The following MICU2 variants were observed in gnomAD, a reference collection of about 807,000 sequenced individuals.
The protein encoded by MICU2 is calcium uptake protein 2, mitochondrial.
MICU2 carries 64 observed loss-of-function variants against 60.4 expected under a neutral mutation model. That is an observed-to-expected ratio of 1.06 (90% CI 0.87 to 1.31). MICU2 has a LOEUF of 1.31. MICU2 is among the 50% of genes most tolerant of loss of function. The pLI, the probability that MICU2 is intolerant of heterozygous loss-of-function variation, is 0.00. For missense variants in MICU2, 569 were observed against 531.0 expected (o/e 1.07, Z -0.70); for synonymous variants, 201 against 175.0 (o/e 1.15, Z -1.17).
At chr13:21,496,905 C>CA (rs1215718463) in intron 9 of MICU2, among the ~76,000 whole-genome samples, 2 of 151,696 alleles carry the variant, frequency 1.3e-5, no homozygotes, top group Non-Finnish European at 2.9e-5. Flanking sequence ...AACACAAAAA[C>CA]AAAAAAATTA....
At chr13:21,531,176 G>A (rs1566149683) in intron 4 of MICU2, 1 of 940,582 alleles carries the variant, frequency 1.1e-6, no homozygotes, top group South Asian at 1.3e-5. Context: ...GTGACAAAAA[G>A]GAAGACATTC....
Position 21,510,082 on chromosome 13 carries a change from G to A in MICU2, c.683C>T (p.Pro228Leu). ...CATCTGAAGAGTTGTGTTAATTTCA[G>A]GTTCTTTCACTATTGCTTCCTATTA... Reference protein sequence around the residue: ...TGYQEAIVKEPEINTTLQMRF... With the variant: ...TGYQEAIVKELEINTTLQMRF... The change falls in exon 8 of 12, where the codon CCT (proline) becomes CTT (leucine). Residue 228 changes from proline to leucine, a missense_variant. Transcript: ENST00000382374. 1 of 1,500,454 alleles carries A rather than the reference G, an allele frequency of 6.7e-7. No homozygotes were observed. Among genetic ancestry groups the A allele is most frequent in the Non-Finnish European group, 8.9e-7 (1 of 1,128,366 alleles). The allele number at this position is 1,500,454 out of a possible 1,614,324, so 92.9% of individuals were successfully genotyped here. A position where few individuals can be genotyped will look rare whatever the true frequency, so the allele number is the denominator to read the frequency against.
intron 10 of MICU2, chr13:21,495,812 G>GGCTCC (rs1379551342): frequency 1.1e-5 from 4 of 356,594 alleles, no homozygotes; most frequent in African/African-American, 8.6e-5. Context: ...GGGATTACAG[G>GGCTCC]CATGAGCCAC....
At chr13:21,576,928 T>G (rs1242705530) in intron 1 of MICU2, among the ~76,000 whole-genome samples, 2 of 152,178 alleles carry the variant, frequency 1.3e-5, no homozygotes, top group Non-Finnish European at 2.9e-5. Context: ...AGAAATTTTA[T>G]CCAAAACAAA....
At chr13:21,555,047 A>G (rs1210121145) in intron 2 of MICU2, among the ~76,000 whole-genome samples, 3 of 152,166 alleles carry the variant, frequency 2.0e-5, no homozygotes, top group Non-Finnish European at 4.4e-5. Flanking sequence ...CAACCAAAAA[A>G]AGTCCAGGAC....
chr13:21,533,032 G>A (rs1379415828), intron 4 of MICU2, among the ~76,000 whole-genome samples: 2 of 152,112 alleles, frequency 1.3e-5, no homozygotes, highest in Non-Finnish European at 2.9e-5. Context: ...AAAGAAAAGA[G>A]GCCTAGAGCA....
At chr13:21,525,187 T>G (rs889030591) in intron 4 of MICU2, among the ~76,000 whole-genome samples, 74 of 105,646 alleles carry the variant, frequency 7.0e-4, no homozygotes, top group African/African-American at 2.4e-3. Context: ...TTCAATTTTT[T>G]TTTTTTTTTT....
At chr13:21,583,768 T>C (rs1470242796) in intron 1 of MICU2, among the ~76,000 whole-genome samples, 1 of 152,190 alleles carries the variant, frequency 6.6e-6, no homozygotes, top group African/African-American at 2.4e-5. Flanking sequence ...TGGGCCTGAA[T>C]GGAGGCAGAG....
chr13:21,497,484 G>A (rs892792899), intron 9 of MICU2, among the ~76,000 whole-genome samples: 8 of 152,188 alleles, frequency 5.3e-5, no homozygotes, highest in Admixed American at 3.3e-4. Flanking sequence ...TGAGGTGGCC[G>A]GACTGCCTGA....
At chr13:21,544,306 T>C (rs1257453438) in intron 2 of MICU2, among the ~76,000 whole-genome samples, 1 of 151,730 alleles carries the variant, frequency 6.6e-6, no homozygotes, top group Admixed American at 6.6e-5. Flanking sequence ...AAAAAATAAA[T>C]TAGTGAGATG....
chr13:21,547,742 CAG>C (rs906824848), intron 2 of MICU2, among the ~76,000 whole-genome samples: 1 of 133,904 alleles, frequency 7.5e-6, no homozygotes, highest in African/African-American at 2.9e-5. Flanking sequence ...ATGCGGTTAA[CAG>C]AGGAACTGTG....
chr13:21,539,258 A>T, intron 4 of MICU2, 44 bp downstream of exon 4: 1 of 1,521,520 alleles, frequency 6.6e-7, no homozygotes, highest in Non-Finnish European at 9.1e-7. Flanking sequence ...TACTTCAGTT[A>T]AATAAAACAC....
At chr13:21,593,589 A>C (rs1390530069) in intron 1 of MICU2, among the ~76,000 whole-genome samples, 109 of 150,338 alleles carry the variant, frequency 7.3e-4, no homozygotes, top group Non-Finnish European at 1.3e-3. Context: ...AAAAAAAAAA[A>C]AAAAACAAAG....
intron 1 of MICU2, among the ~76,000 whole-genome samples, chr13:21,594,574 C>T (rs1017922615): frequency 6.6e-6 from 1 of 152,166 alleles, no homozygotes; most frequent in African/African-American, 2.4e-5. Flanking sequence ...CAGACACATG[C>T]ACACGTATGT....
At chr13:21,579,408 T>C (rs1888296196) in intron 1 of MICU2, among the ~76,000 whole-genome samples, 1 of 151,588 alleles carries the variant, frequency 6.6e-6, no homozygotes, top group Non-Finnish European at 1.5e-5. Context: ...TGATGCAATC[T>C]TGGCTCACTG....
chr13:21,551,876 T>C (rs1333091383), intron 2 of MICU2, among the ~76,000 whole-genome samples: 1 of 152,148 alleles, frequency 6.6e-6, no homozygotes, highest in Non-Finnish European at 1.5e-5. Flanking sequence ...CTATTGCGAA[T>C]AGTGCCGCAG....
At chr13:21,549,384 G>A (rs1750505649) in intron 2 of MICU2, among the ~76,000 whole-genome samples, 1 of 152,086 alleles carries the variant, frequency 6.6e-6, no homozygotes, top group African/African-American at 2.4e-5. Context: ...TGGTGGCAAA[G>A]ACAAGAACTA....
At position 21,598,798 on chromosome 13, in the gene MICU2, T is replaced by C. The variant is rs192616577; in HGVS notation, c.210+5141A>G. ...ACTGTTGAGTATCTACTTAGTGAAA[T>C]GGAGGTTTGTTTTAATCAGTTTGGA... On this transcript the variant is annotated intron_variant, in intron 1 of 11. Coordinates refer to ENST00000382374, the MANE Select transcript of MICU2 (RefSeq NM_152726.3). Among the ~76,000 whole-genome samples, 299 of 152,314 alleles carry C rather than the reference T, an allele frequency of 2.0e-3. 1 individual carries two copies. The highest frequency in any genetic ancestry group is 6.7e-3 in the African/African-American group (279 of 41,560).
At chr13:21,592,261 T>C (rs1888599926) in intron 1 of MICU2, among the ~76,000 whole-genome samples, 1 of 152,116 alleles carries the variant, frequency 6.6e-6, no homozygotes, top group African/African-American at 2.4e-5. Context: ...CTAGAAAATC[T>C]AGAAGAAATG....
Sources: allele counts gnomAD v4.1 joint callset (sites outside exome capture counted in the v4.1 genomes callset), GRCh38; gene constraint gnomAD v4.1.1; transcripts MANE v1.5; gene names NCBI Gene and HGNC (gene_info 2026-07-23, HGNC 2026-07-21).